The following DMD variants were observed in gnomAD, a reference collection of about 807,000 sequenced individuals.
DMD encodes dystrophin, also known as mutant dystrophin.
A neutral mutation model predicts 330.1 loss-of-function variants in DMD; 63 were observed. The ratio of observed to expected loss-of-function variants is 0.19; its 90% CI spans 0.16 to 0.24. The LOEUF (loss-of-function observed/expected upper bound fraction) is 0.24, where lower values mean the gene tolerates loss of function less well. Ranked by LOEUF, DMD falls within the 10% of genes least tolerant of loss-of-function variation. The pLI, the probability that DMD is intolerant of heterozygous loss-of-function variation, is 1.00. For synonymous variants in DMD, 1,223 were observed against 959.8 expected, an observed-to-expected ratio of 1.27 and a Z score of -5.07; for missense variants, 3,344 against 2,684.1, an observed-to-expected ratio of 1.25 and a Z score of -5.43.
intron 7 of DMD, among the ~76,000 whole-genome samples, chrX:32,785,789 TTA>T (rs772729090): frequency 9.0e-6 from 1 of 111,471 alleles, no homozygotes; most frequent in Non-Finnish European, 1.9e-5. Context: ...AATACATTAT[TTA>T]TTTTTATCCA....
At chrX:31,314,779 A>AGCGAGAGAGAGAGAGAGAGAGAGAGT (rs1225831523) in intron 62 of DMD, among the ~76,000 whole-genome samples, 7 of 93,433 alleles carry the variant, frequency 7.5e-5, no homozygotes, top group African/African-American at 2.6e-4. Context: ...AGAGAGAGAG[A>AGCGAGAGAGAGAGAGAGAGAGAGAGT]GTGTTTTACC....
intron 45 of DMD, among the ~76,000 whole-genome samples, chrX:31,951,143 G>GTATGTATATA (rs1569521262): frequency 9.0e-4 from 67 of 74,293 alleles, no homozygotes; most frequent in Non-Finnish European, 1.2e-3. Flanking sequence ...ATATATATGT[G>GTATGTATATA]TATATATATA....
intron 72 of DMD, among the ~76,000 whole-genome samples, chrX:31,172,946 TTTTG>T (rs748465238): frequency 1.6e-4 from 18 of 111,901 alleles, no homozygotes; most frequent in South Asian, 7.4e-4. Flanking sequence ...ACAGGGGGTT[TTTTG>T]TTTGTTTGTT....
At chrX:31,547,500 A>AT (rs1165315962) in intron 55 of DMD, among the ~76,000 whole-genome samples, 4 of 112,194 alleles carry the variant, frequency 3.6e-5, no homozygotes, top group African/African-American at 1.3e-4. Context: ...GGAAAGCTGG[A>AT]TTTTTAATGA....
rs768485138 is a variant in DMD, at chrX:32,403,937, T to C, written c.4233+7815A>G. Among the ~76,000 whole-genome samples, 224 of 111,978 alleles carry C rather than the reference T, an allele frequency of 2.0e-3. 1 individual carries two copies. The highest frequency in any genetic ancestry group is 3.7e-3 in the Admixed American group (39 of 10,506). On this transcript the variant is annotated intron_variant, in intron 30 of 78. Coordinates refer to ENST00000357033, the MANE Select transcript of DMD (RefSeq NM_004006.3). Reference sequence around the variant, plus strand: ...TAAATCAATAAAGCAGACTGTAAAGTTACACTGTTCCAAGTCGTTTGGCAA... The same window carrying C: ...TAAATCAATAAAGCAGACTGTAAAGCTACACTGTTCCAAGTCGTTTGGCAA...
intron 47 of DMD, among the ~76,000 whole-genome samples, chrX:31,883,961 CT>C (rs2094114985): frequency 2.7e-5 from 3 of 110,477 alleles, no homozygotes; most frequent in Non-Finnish European, 5.7e-5. Context: ...CATCTTATAC[CT>C]GTTAGAATGA....
intron 7 of DMD, among the ~76,000 whole-genome samples, chrX:32,799,545 TG>T (rs1395610772): frequency 9.0e-6 from 1 of 110,677 alleles, no homozygotes; most frequent in African/African-American, 3.3e-5. Flanking sequence ...ATCCTCACTT[TG>T]TTATTCACAG....
intron 13 of DMD, among the ~76,000 whole-genome samples, chrX:32,589,716 C>A (rs1254807165): frequency 1.8e-5 from 2 of 111,226 alleles, no homozygotes; most frequent in African/African-American, 6.5e-5. Context: ...CATGAGTTTT[C>A]TGACTTAAAA....
chrX:31,234,030 A>G (rs2047477700), intron 63 of DMD, among the ~76,000 whole-genome samples: 1 of 112,115 alleles, frequency 8.9e-6, no homozygotes, highest in African/African-American at 3.2e-5. Flanking sequence ...ACCTGACAAT[A>G]GAGACTCACA....
At chrX:31,299,804 G>C (rs760886516) in intron 62 of DMD, among the ~76,000 whole-genome samples, 1 of 108,129 alleles carries the variant, frequency 9.2e-6, no homozygotes, top group South Asian at 4.0e-4. Context: ...AAAAAGGATG[G>C]GGGGGATGAT....
chrX:32,752,316 G>T (rs937772828), intron 7 of DMD, among the ~76,000 whole-genome samples: 2 of 111,278 alleles, frequency 1.8e-5, no homozygotes, highest in African/African-American at 3.3e-5. Context: ...TCTTGCATCA[G>T]CATGACCTGG....
chrX:32,318,366 G>A (rs2097592474), intron 41 of DMD, among the ~76,000 whole-genome samples: 1 of 111,630 alleles, frequency 9.0e-6, no homozygotes, highest in Admixed American at 9.5e-5. Flanking sequence ...ACAACATGAT[G>A]CAGGTGAGAC....
At chrX:33,178,330 C>A (rs2049786653) in intron 1 of DMD, among the ~76,000 whole-genome samples, 1 of 111,765 alleles carries the variant, frequency 8.9e-6, no homozygotes, top group South Asian at 3.7e-4. Context: ...CCGAAAGTTG[C>A]ACAGAAAGAT....
intron 10 of DMD, 78 bp downstream of exon 10, chrX:32,644,886 G>A: frequency 9.2e-7 from 1 of 1,083,208 alleles, no homozygotes; most frequent in Non-Finnish European, 1.3e-6. Flanking sequence ...GGATGTAAGA[G>A]AGTAATTGAG....
intron 7 of DMD, among the ~76,000 whole-genome samples, chrX:32,784,043 G>A (rs1423819510): frequency 9.1e-6 from 1 of 110,104 alleles, no homozygotes; most frequent in African/African-American, 3.3e-5. Context: ...TCATCTGTGT[G>A]TTTAGAGGAC....
At chrX:32,494,907 C>A (rs188035379) in intron 19 of DMD, among the ~76,000 whole-genome samples, 1 of 110,919 alleles carries the variant, frequency 9.0e-6, no homozygotes, top group Admixed American at 9.7e-5. Context: ...ACCAGGAGTT[C>A]GAGGCTGCAC....
intron 1 of DMD, among the ~76,000 whole-genome samples, chrX:33,111,444 G>A (rs1479679726): frequency 1.3e-4 from 15 of 112,185 alleles, no homozygotes; most frequent in African/African-American, 4.8e-4. Flanking sequence ...GAAGCCTGAT[G>A]TCATATAAAC....
chrX:32,980,786 G>A (rs372909095), intron 2 of DMD, among the ~76,000 whole-genome samples: 1 of 111,699 alleles, frequency 9.0e-6, no homozygotes, highest in South Asian at 3.8e-4. Flanking sequence ...CAATTAAGCC[G>A]CACATATAGG....
At chrX:33,251,826 G>GAAAT (rs202142175) in intron 1 of DMD, among the ~76,000 whole-genome samples, 8,390 of 111,268 alleles carry the variant, frequency 0.075, 827 homozygotes, top group African/African-American at 0.26. Context: ...GAATTCCAGT[G>GAAAT]AAATAAATAA....
Sources: allele counts gnomAD v4.1 joint callset (sites outside exome capture counted in the v4.1 genomes callset), GRCh38; gene constraint gnomAD v4.1.1; transcripts MANE v1.5; gene names NCBI Gene and HGNC (gene_info 2026-07-23, HGNC 2026-07-21).